Variants in CEP112 observed in about 807,000 individuals in gnomAD.
CEP112 encodes the protein centrosomal protein of 112 kDa.
CEP112 carries 127 observed loss-of-function variants against 153.0 expected under a neutral mutation model. The observed-to-expected ratio is 0.83, with a 90% CI of 0.72 to 0.96. CEP112 has a LOEUF of 0.96. Among genes scored for constraint, CEP112 ranks in the 40% least tolerant of loss-of-function variants. CEP112 has a pLI of 0.00. For synonymous variants in CEP112, 358 were observed against 374.4 expected (o/e 0.96, Z 0.51); for missense variants, 1,089 against 1,101.2 (o/e 0.99, Z 0.16).
intron 24 of CEP112, among the ~76,000 whole-genome samples, chr17:65,680,157 C>T (rs547735726): frequency 6.6e-5 from 10 of 152,302 alleles, no homozygotes; most frequent in African/African-American, 2.4e-4. Context: ...GCTTTCTCTT[C>T]ATCTTTCCCT....
At chr17:65,755,284 A>G (rs772234512) in intron 21 of CEP112, among the ~76,000 whole-genome samples, 1 of 152,088 alleles carries the variant, frequency 6.6e-6, no homozygotes, top group African/African-American at 2.4e-5. Flanking sequence ...ACATGCCCAG[A>G]GCAGGAGAAA....
chr17:65,992,163 C>T (rs2063617874), intron 17 of CEP112, among the ~76,000 whole-genome samples: 1 of 152,076 alleles, frequency 6.6e-6, no homozygotes, highest in Non-Finnish European at 1.5e-5. Flanking sequence ...TATGACTTTG[C>T]AGTTTTAGTA....
intron 18 of CEP112, among the ~76,000 whole-genome samples, chr17:65,933,348 C>T (rs1035821226): frequency 5.3e-5 from 8 of 152,132 alleles, no homozygotes; most frequent in Admixed American, 2.0e-4. Context: ...AGGTTACAAT[C>T]GAATTCAACC....
intron 6 of CEP112, among the ~76,000 whole-genome samples, chr17:66,100,200 C>T (rs2068510519): frequency 6.6e-6 from 1 of 151,770 alleles, no homozygotes; most frequent in African/African-American, 2.4e-5. Flanking sequence ...GAGATCGAGA[C>T]CATCCTGGCT....
chr17:65,993,530 A>G (rs186320298), intron 17 of CEP112, among the ~76,000 whole-genome samples: 1 of 152,354 alleles, frequency 6.6e-6, no homozygotes, highest in East Asian at 1.9e-4. Context: ...AGTTACCAAA[A>G]GAAACATATA....
chr17:65,813,576 G>A (rs2056104041), intron 21 of CEP112, among the ~76,000 whole-genome samples: 1 of 152,176 alleles, frequency 6.6e-6, no homozygotes, highest in South Asian at 2.1e-4. Flanking sequence ...TAGAATCTTG[G>A]TTCTGCAACT....
intron 16 of CEP112, among the ~76,000 whole-genome samples, chr17:66,019,127 G>C (rs796197234): frequency 6.6e-6 from 1 of 152,170 alleles, no homozygotes; most frequent in African/African-American, 2.4e-5. Context: ...TTAAATTAGG[G>C]ACAGCATCTG....
At chr17:65,689,026 C>A in intron 24 of CEP112, 103 bp downstream of exon 24, 1 of 798,110 alleles carries the variant, frequency 1.3e-6, no homozygotes, top group East Asian at 2.7e-5. Context: ...CCTCGGCCTC[C>A]CAAAGTGCTG....
At chr17:65,962,575 G>A (rs2062245491) in intron 17 of CEP112, among the ~76,000 whole-genome samples, 1 of 152,192 alleles carries the variant, frequency 6.6e-6, no homozygotes, top group Non-Finnish European at 1.5e-5. Context: ...ACTAGGCGCT[G>A]GGTATTGTGC....
intron 17 of CEP112, among the ~76,000 whole-genome samples, chr17:65,992,831 A>C (rs901794977): frequency 1.3e-5 from 2 of 152,170 alleles, no homozygotes; most frequent in Admixed American, 6.5e-5. Context: ...CCCATACAAG[A>C]CCAATTTAAC....
chr17:66,181,320 T>A (rs1043154485), intron 2 of CEP112, among the ~76,000 whole-genome samples: 1 of 152,186 alleles, frequency 6.6e-6, no homozygotes, highest in African/African-American at 2.4e-5. Flanking sequence ...GAATCAAAGA[T>A]TATAATTAAT....
At chr17:65,937,229 G>A (rs1332440359) in intron 18 of CEP112, among the ~76,000 whole-genome samples, 7 of 124,690 alleles carry the variant, frequency 5.6e-5, no homozygotes, top group Admixed American at 9.2e-5. Context: ...GCCTCTGCCC[G>A]GCCGCCACCC....
At chr17:65,878,672 C>T (rs887113118) in intron 20 of CEP112, among the ~76,000 whole-genome samples, 1 of 152,026 alleles carries the variant, frequency 6.6e-6, no homozygotes, top group African/African-American at 2.4e-5. Flanking sequence ...TTAGCTATCA[C>T]ACATTCTCAA....
chr17:65,890,070 C>T (rs1307806174), intron 20 of CEP112, among the ~76,000 whole-genome samples: 3 of 152,266 alleles, frequency 2.0e-5, no homozygotes, highest in African/African-American at 2.4e-5. Flanking sequence ...CAAATTTGCA[C>T]AAAGTAAGTA....
At chr17:65,919,587 T>C (rs1193943990) in intron 19 of CEP112, among the ~76,000 whole-genome samples, 1 of 152,114 alleles carries the variant, frequency 6.6e-6, no homozygotes, top group African/African-American at 2.4e-5. Context: ...AGCGGTGGAA[T>C]CAGAGAAGTC....
rs925943075 is a variant in CEP112, at chr17:66,096,575, T to C, written c.690+10A>G. ...GCCCCTAGAAAAAGTCCAATGGATT[T>C]CTCACATACCAGAGAAACTGGGATA... is the stretch of plus-strand genomic sequence containing the variant. On this transcript the variant is annotated intron_variant, in intron 7 of 26. Coordinates refer to ENST00000535342, the MANE Select transcript of CEP112 (RefSeq NM_001199165.4). The C allele has an allele frequency of 2.5e-6, 4 of 1,575,644 alleles. No individual in the cohort carries two copies. The highest frequency in any genetic ancestry group is 2.2e-5 in the East Asian group (1 of 44,610).
chr17:65,940,185 A>C (rs1180285734), intron 18 of CEP112, among the ~76,000 whole-genome samples: 1 of 152,206 alleles, frequency 6.6e-6, no homozygotes, highest in Non-Finnish European at 1.5e-5. Flanking sequence ...CTACAATGAG[A>C]TATCACTTCA....
At chr17:65,720,641 C>G (rs73336881) in intron 23 of CEP112, among the ~76,000 whole-genome samples, 3,784 of 152,148 alleles carry the variant, frequency 0.025, 172 homozygotes, top group African/African-American at 0.087. Flanking sequence ...GGATGGAGTA[C>G]AGACAGAAGC....
At chr17:66,033,091 T>C (rs987772521) in intron 12 of CEP112, among the ~76,000 whole-genome samples, 1 of 152,142 alleles carries the variant, frequency 6.6e-6, no homozygotes, top group Admixed American at 6.5e-5. Flanking sequence ...AAGCAATCTA[T>C]GGATGAGATT....
Sources: allele counts gnomAD v4.1 joint callset (sites outside exome capture counted in the v4.1 genomes callset), GRCh38; gene constraint gnomAD v4.1.1; transcripts MANE v1.5; gene names NCBI Gene and HGNC (gene_info 2026-07-23, HGNC 2026-07-21).